The following PEPD variants were observed in gnomAD, a reference collection of about 807,000 sequenced individuals.
The protein encoded by PEPD is peptidase D.
A neutral mutation model predicts 60.7 loss-of-function variants in PEPD; 53 were observed. The observed-to-expected ratio is 0.87, with a 90% confidence interval of 0.70 to 1.10. The LOEUF is 1.10. Ranked by LOEUF, PEPD falls within the 50% of genes least tolerant of loss-of-function variation. The pLI is 0.00. For synonymous variants in PEPD, 267 were observed against 284.1 expected (o/e 0.94, Z 0.60); for missense variants, 711 against 711.9 (o/e 1.00, Z 0.01).
Position 33,504,575 on chromosome 19 carries a change from C to T in PEPD, c.330-3574G>A, listed in dbSNP as rs555577621. Among the ~76,000 whole-genome samples, 528 of 152,236 alleles carry T rather than the reference C, an allele frequency of 3.5e-3. 2 individuals carry two copies. Among genetic ancestry groups the T allele is most frequent in the Middle Eastern group, 0.017 (5 of 294 alleles). On this transcript the variant is annotated intron_variant, in intron 3 of 14. Coordinates refer to ENST00000244137, the MANE Select transcript of PEPD (RefSeq NM_000285.4). ...GGTCAGGAGTTCAAGACCAGCCTGG[C>T]CAACATGGTAAAACCCTATCTCTAC... is the stretch of plus-strand genomic sequence containing the variant.
chr19:33,520,971 C>T (rs1037711833), intron 1 of PEPD, among the ~76,000 whole-genome samples: 7 of 152,264 alleles, frequency 4.6e-5, no homozygotes, highest in Non-Finnish European at 8.8e-5. Flanking sequence ...GCATGCACCC[C>T]TGTCCCCAGA....
chr19:33,500,151 T>C (rs1180202193), intron 4 of PEPD, among the ~76,000 whole-genome samples: 1 of 152,210 alleles, frequency 6.6e-6, no homozygotes, highest in African/African-American at 2.4e-5. Context: ...GTGGCAGGCA[T>C]TGACTTCTGG....
intron 4 of PEPD, among the ~76,000 whole-genome samples, chr19:33,496,337 C>CCGGT (rs1449041869): frequency 1.3e-5 from 2 of 152,120 alleles, no homozygotes; most frequent in Admixed American, 6.5e-5. Flanking sequence ...TCCTTGCAGC[C>CCGGT]CGGTGCTCAG....
intron 7 of PEPD, among the ~76,000 whole-genome samples, chr19:33,472,679 T>C (rs1229355591): frequency 6.6e-6 from 1 of 152,170 alleles, no homozygotes; most frequent in Non-Finnish European, 1.5e-5. Context: ...AACACTCCAC[T>C]GATTAAAATA....
intron 6 of PEPD, among the ~76,000 whole-genome samples, chr19:33,487,931 A>G (rs1970427966): frequency 6.6e-6 from 1 of 151,958 alleles, no homozygotes; most frequent in Admixed American, 6.5e-5. Flanking sequence ...ACTGACAGTG[A>G]TGAGGGCCCT....
In PEPD at chr19:33,391,393, C is replaced by T; in HGVS notation, c.1054G>A (p.Asp352Asn). ...CCCAGGTGAGCCTGGACCATGGCGT[C>T]CACGCTGCCGCTCAGGATGCCCATG... is the stretch of plus-strand genomic sequence containing the variant. ...AHMGILSGSV[D>N]AMVQAHLGAV... The change falls in exon 13 of 15, where the codon GAC (aspartate) becomes AAC (asparagine). Residue 352 changes from aspartate to asparagine, a missense_variant. Physicochemically the swap from Asp to Asn is conservative, Grantham distance 23. Coordinates refer to ENST00000244137, the MANE Select transcript of PEPD (RefSeq NM_000285.4). 3.1e-6 allele frequency: 5 copies of T among 1,594,216 alleles called. No homozygotes were observed. Among genetic ancestry groups the T allele is most frequent in the Non-Finnish European group, 4.3e-6 (5 of 1,170,386 alleles).
chr19:33,456,971 A>C lies in PEPD; in HGVS notation c.671+6024T>G, dbSNP rs1009978952. 9.3e-5 allele frequency among the ~76,000 whole-genome samples: 14 copies of C among 151,348 alleles called. No homozygotes were observed. In the South Asian group the frequency reaches 1.3e-3, roughly 14 times the overall value. ...ACCTGCGTCCTCTGCATGCCCTGTGAGGGGCCCCAGCCCTGGTCAGAGACA... is the reference window on the plus strand; with the variant it reads ...ACCTGCGTCCTCTGCATGCCCTGTGCGGGGCCCCAGCCCTGGTCAGAGACA... On this transcript the variant is annotated intron_variant, in intron 9 of 14. Transcript: ENST00000244137.
intron 4 of PEPD, among the ~76,000 whole-genome samples, chr19:33,495,891 G>C (rs1419895401): frequency 2.6e-5 from 4 of 152,116 alleles, no homozygotes; most frequent in Admixed American, 1.3e-4. Context: ...TGAGGTAGGA[G>C]AACCGCTTGA....
intron 9 of PEPD, among the ~76,000 whole-genome samples, chr19:33,416,588 A>T (rs1968896216): frequency 6.6e-6 from 1 of 152,180 alleles, no homozygotes; most frequent in South Asian, 2.1e-4. Context: ...GCTCAAGCCC[A>T]GCGCGCACCT....
At chr19:33,428,670 T>C (rs1385107657) in intron 9 of PEPD, among the ~76,000 whole-genome samples, 1 of 152,062 alleles carries the variant, frequency 6.6e-6, no homozygotes, top group Non-Finnish European at 1.5e-5. Flanking sequence ...TGTAGGCAAG[T>C]CCCTCCCCAC....
intron 9 of PEPD, among the ~76,000 whole-genome samples, chr19:33,445,604 G>A (rs1269635663): frequency 6.6e-6 from 1 of 152,222 alleles, no homozygotes; most frequent in East Asian, 1.9e-4. Flanking sequence ...CCCTGCCGAT[G>A]CCTTGATCTT....
At chr19:33,501,242 C>T (rs972091906) in intron 3 of PEPD, among the ~76,000 whole-genome samples, 2 of 152,156 alleles carry the variant, frequency 1.3e-5, no homozygotes, top group Non-Finnish European at 2.9e-5. Flanking sequence ...CCCGCTCCTC[C>T]GTGACCCTAG....
intron 9 of PEPD, among the ~76,000 whole-genome samples, chr19:33,424,469 C>T (rs577391936): frequency 3.9e-5 from 6 of 152,336 alleles, no homozygotes; most frequent in East Asian, 3.9e-4. Flanking sequence ...CACCTGTTCG[C>T]GTCTGACCCA....
intron 3 of PEPD, among the ~76,000 whole-genome samples, chr19:33,510,256 C>T (rs560517418): frequency 3.3e-5 from 5 of 152,252 alleles, no homozygotes; most frequent in East Asian, 1.9e-4. Flanking sequence ...TTAGAGAAAA[C>T]GACATGGACA....
chr19:33,498,590 G>C (rs1331030967), intron 4 of PEPD, among the ~76,000 whole-genome samples: 1 of 152,116 alleles, frequency 6.6e-6, no homozygotes, highest in East Asian at 1.9e-4. Context: ...GTCCCACCAC[G>C]GTCCTTGAGA....
At position 33,387,417 on chromosome 19, in the gene PEPD, C is replaced by T. The variant is rs765552774; in HGVS notation, c.1409G>A (p.Arg470His). Reference protein sequence around the residue: ...SGIELLTCVPRTVEEIEACMA... With the variant: ...SGIELLTCVPHTVEEIEACMA... ...GCATGCTTCAATCTCTTCCACAGTGCGGGGCACGCAGGTCAGCAGCTCTAT... is the reference window on the plus strand; with the variant it reads ...GCATGCTTCAATCTCTTCCACAGTGTGGGGCACGCAGGTCAGCAGCTCTAT... Residue 470 changes from arginine (R) to histidine (H), a missense_variant, in exon 15 of 15, where the codon CGC becomes CAC. Physicochemically the swap from Arg to His is conservative, Grantham distance 29. Coordinates refer to ENST00000244137, the MANE Select transcript of PEPD (RefSeq NM_000285.4). The T allele has an allele frequency of 4.5e-5, 72 of 1,613,888 alleles. No individual in the cohort carries two copies. The Admixed American group carries it at 8.2e-4, about 18-fold the overall frequency.
At position 33,478,026 on chromosome 19, in the gene PEPD, T is replaced by A. The variant is rs557965371; in HGVS notation, c.548+20A>T. 1.3e-5 allele frequency: 20 copies of A among 1,587,932 alleles called. No homozygotes were observed. The South Asian group carries it at 2.1e-4, about 17-fold the overall frequency. On this transcript the variant is annotated intron_variant, in intron 7 of 14. Transcript: ENST00000244137. Reference sequence around the variant, plus strand: ...AGCCGAGCACAACAAACAGGCAAGGTGACCACAGGCCGTACTCACCACTCA... The same window carrying A: ...AGCCGAGCACAACAAACAGGCAAGGAGACCACAGGCCGTACTCACCACTCA...
intron 9 of PEPD, among the ~76,000 whole-genome samples, chr19:33,435,059 G>A (rs1969348530): frequency 6.6e-6 from 1 of 152,218 alleles, no homozygotes; most frequent in African/African-American, 2.4e-5. Context: ...GACGAGGGAT[G>A]GAAGAGGCAG....
chr19:33,492,043 C>CAAAAAAA (rs757173823), intron 5 of PEPD, among the ~76,000 whole-genome samples: 1 of 81,560 alleles, frequency 1.2e-5, no homozygotes. Flanking sequence ...TATTCCATTT[C>CAAAAAAA]AAAAAAAAAA....
Sources: gnomAD v4.1 joint callset for allele counts (sites outside exome capture counted in the v4.1 genomes callset) on GRCh38, gnomAD v4.1.1 for gene constraint, MANE v1.5 for transcripts, NCBI Gene and HGNC (gene_info 2026-07-23, HGNC 2026-07-21) for gene names.